SEMA3A: variants seen among roughly 807,000 people sequenced by gnomAD.
SEMA3A encodes the protein semaphorin-3A.
A neutral mutation model predicts 97.9 loss-of-function variants in SEMA3A; 29 were observed. The observed-to-expected ratio is 0.30, with a 90% CI of 0.22 to 0.40. The LOEUF (loss-of-function observed/expected upper bound fraction) is 0.40, where lower values mean the gene tolerates loss of function less well. SEMA3A is among the 10% of genes least tolerant of loss of function. The pLI is 1.00. For synonymous variants in SEMA3A, 321 were observed against 323.7 expected (o/e 0.99, Z 0.09); for missense variants, 763 against 951.3 (o/e 0.80, Z 2.60).
At chr7:84,390,366 A>ATTATTATTC (rs1027960164) in intron 1 of SEMA3A, among the ~76,000 whole-genome samples, 1 of 146,602 alleles carries the variant, frequency 6.8e-6, no homozygotes, top group African/African-American at 2.5e-5. Context: ...TATTATTATT[A>ATTATTATTC]TAGCAGCTGG....
intron 3 of SEMA3A, among the ~76,000 whole-genome samples, chr7:84,297,879 C>T (rs1180932807): frequency 6.6e-6 from 1 of 152,190 alleles, no homozygotes; most frequent in Non-Finnish European, 1.5e-5. Flanking sequence ...ACTCCCACTT[C>T]AGCTCTAGTC....
At chr7:84,312,930 A>G (rs1801377291) in intron 2 of SEMA3A, among the ~76,000 whole-genome samples, 1 of 131,864 alleles carries the variant, frequency 7.6e-6, no homozygotes, top group Non-Finnish European at 1.6e-5. Flanking sequence ...ATACACACAC[A>G]CACACACACA....
intron 3 of SEMA3A, among the ~76,000 whole-genome samples, chr7:84,201,597 G>C (rs1240856696): frequency 6.6e-6 from 1 of 152,008 alleles, no homozygotes; most frequent in Non-Finnish European, 1.5e-5. Context: ...GAGGAGATTA[G>C]AAAATGCCTT....
intron 12 of SEMA3A, among the ~76,000 whole-genome samples, chr7:83,985,766 C>T (rs1789609521): frequency 6.6e-6 from 1 of 152,080 alleles, no homozygotes; most frequent in Non-Finnish European, 1.5e-5. Context: ...GCACAGTGAG[C>T]ACAGTGAGAG....
intron 1 of SEMA3A, among the ~76,000 whole-genome samples, chr7:84,377,489 G>A (rs979513432): frequency 4.6e-5 from 7 of 152,144 alleles, no homozygotes; most frequent in Admixed American, 2.0e-4. Context: ...GCACTATGCT[G>A]TTTGGGTTAC....
intron 1 of SEMA3A, among the ~76,000 whole-genome samples, chr7:84,186,981 A>C (rs1405135506): frequency 2.0e-5 from 3 of 152,116 alleles, no homozygotes; most frequent in African/African-American, 7.2e-5. Context: ...AGTAAGTCTG[A>C]GGATGGAAGT....
chr7:84,370,619 A>G (rs1180825393), intron 2 of SEMA3A, among the ~76,000 whole-genome samples: 2 of 151,860 alleles, frequency 1.3e-5, no homozygotes, highest in South Asian at 2.1e-4. Flanking sequence ...AGCCATGCCA[A>G]TTTATAAATA....
chr7:84,248,690 C>T (rs550011658), intron 3 of SEMA3A, among the ~76,000 whole-genome samples: 1 of 152,184 alleles, frequency 6.6e-6, no homozygotes, highest in African/African-American at 2.4e-5. Flanking sequence ...TTTCTCTAAG[C>T]ATATCTCCTA....
intron 4 of SEMA3A, among the ~76,000 whole-genome samples, chr7:84,083,904 A>G (rs544142710): frequency 6.6e-6 from 1 of 152,158 alleles, no homozygotes; most frequent in Non-Finnish European, 1.5e-5. Flanking sequence ...GGTTACTGTT[A>G]TATTTATTAT....
intron 3 of SEMA3A, among the ~76,000 whole-genome samples, chr7:84,223,645 G>C (rs1798929475): frequency 1.3e-5 from 2 of 151,734 alleles, no homozygotes; most frequent in Non-Finnish European, 1.5e-5. Context: ...AAAAACCATA[G>C]AAAACAGGCT....
intron 1 of SEMA3A, among the ~76,000 whole-genome samples, chr7:84,389,806 A>G (rs1313197082): frequency 6.6e-6 from 1 of 152,154 alleles, no homozygotes; most frequent in African/African-American, 2.4e-5. Flanking sequence ...TTATAAAATT[A>G]TACAGGACTA....
intron 3 of SEMA3A, among the ~76,000 whole-genome samples, chr7:84,205,410 A>G (rs570971368): frequency 6.6e-6 from 1 of 152,316 alleles, no homozygotes; most frequent in South Asian, 2.1e-4. Flanking sequence ...ATCATTGTTA[A>G]AATACCTTGG....
intron 3 of SEMA3A, among the ~76,000 whole-genome samples, chr7:84,120,383 T>C (rs1795572548): frequency 1.3e-5 from 2 of 152,196 alleles, no homozygotes; most frequent in African/African-American, 4.8e-5. Context: ...TGTAACCAAA[T>C]ATGAGTCACT....
intron 2 of SEMA3A, among the ~76,000 whole-genome samples, chr7:84,353,374 C>T (rs1437728041): frequency 2.0e-5 from 3 of 151,518 alleles, no homozygotes; most frequent in African/African-American, 7.3e-5. Flanking sequence ...CTTCCTTTCT[C>T]TTTTATTATA....
chr7:83,956,746 T>C lies in SEMA3A; in HGVS notation c.*4625A>G, dbSNP rs1215228188. On this transcript the variant is annotated 3_prime_UTR_variant, in exon 17 of 17. Transcript: ENST00000265362. ...ACCTGTGTTTTATCTGTTTGAATGC[T>C]TGTTCTCAGAAAAAGGACTTTTTTT... 6.6e-6 allele frequency: 1 copy of C among 152,138 alleles called. No individual in the cohort carries two copies. The highest frequency in any genetic ancestry group is 1.9e-4 in the East Asian group (1 of 5,190). The allele number at this position is 152,138 out of a possible 1,614,324, so 9.4% of individuals were successfully genotyped here.
chr7:84,044,466 T>C (rs139852173), intron 6 of SEMA3A, among the ~76,000 whole-genome samples: 1 of 152,014 alleles, frequency 6.6e-6, no homozygotes, highest in Non-Finnish European at 1.5e-5. Flanking sequence ...TCATTAGCAT[T>C]TTAAAGAATA....
intron 3 of SEMA3A, among the ~76,000 whole-genome samples, chr7:84,281,394 G>A (rs879267990): frequency 8.5e-5 from 13 of 152,158 alleles, no homozygotes; most frequent in Admixed American, 8.5e-4. Flanking sequence ...AGCCATGGTA[G>A]ATTCAAGGAC....
intron 12 of SEMA3A, among the ~76,000 whole-genome samples, chr7:83,997,795 G>GGCGCAATC (rs1790279078): frequency 6.7e-6 from 1 of 150,208 alleles, no homozygotes; most frequent in South Asian, 2.1e-4. Flanking sequence ...GGAGTGCAGT[G>GGCGCAATC]GCGCAATCTT....
intron 3 of SEMA3A, among the ~76,000 whole-genome samples, chr7:84,123,890 A>G (rs945936274): frequency 6.6e-6 from 1 of 151,934 alleles, no homozygotes; most frequent in East Asian, 1.9e-4. Context: ...CTCTTTAACA[A>G]CAAAGTCCAT....
Sources: allele counts gnomAD v4.1 joint callset (sites outside exome capture counted in the v4.1 genomes callset), GRCh38; gene constraint gnomAD v4.1.1; transcripts MANE v1.5; gene names NCBI Gene and HGNC (gene_info 2026-07-23, HGNC 2026-07-21).